Variants in TRPS1 observed in about 807,000 individuals in gnomAD.
TRPS1 encodes transcriptional repressor GATA binding 1, also known as zinc finger transcription factor Trps1.
In TRPS1, 6 loss-of-function variants were observed where a neutral mutation model predicts 101.2. That is an observed-to-expected ratio of 0.06 (90% CI 0.03 to 0.12). The LOEUF (loss-of-function observed/expected upper bound fraction) is 0.12, where lower values mean the gene tolerates loss of function less well. TRPS1 is among the 10% of genes least tolerant of loss of function. TRPS1 has a pLI of 1.00. For missense variants in TRPS1, 1,363 were observed against 1,567.0 expected (o/e 0.87, Z 2.20); for synonymous variants, 578 against 589.8 (o/e 0.98, Z 0.29).
At chr8:115,665,482 G>GAAGA (rs905571843) in intron 1 of TRPS1, among the ~76,000 whole-genome samples, 1 of 152,116 alleles carries the variant, frequency 6.6e-6, no homozygotes, top group African/African-American at 2.4e-5. Flanking sequence ...CCTTATGAAT[G>GAAGA]AATATTTCCT....
At chr8:115,588,321 A>G (rs1817613012) in intron 4 of TRPS1, among the ~76,000 whole-genome samples, 1 of 152,214 alleles carries the variant, frequency 6.6e-6, no homozygotes, top group South Asian at 2.1e-4. Flanking sequence ...AATAAGATGT[A>G]TTTATAACCC....
At chr8:115,542,753 G>A (rs1285146594) in intron 5 of TRPS1, among the ~76,000 whole-genome samples, 3 of 152,134 alleles carry the variant, frequency 2.0e-5, no homozygotes, top group Non-Finnish European at 2.9e-5. Context: ...CATGTTGTGA[G>A]GATTAATTAG....
intron 1 of TRPS1, among the ~76,000 whole-genome samples, chr8:115,641,278 G>A (rs1818889054): frequency 6.6e-6 from 1 of 152,164 alleles, no homozygotes; most frequent in Non-Finnish European, 1.5e-5. Flanking sequence ...TTGTAACCAG[G>A]GATTTTAGCT....
At chr8:115,646,148 A>G (rs1409421533) in intron 1 of TRPS1, among the ~76,000 whole-genome samples, 5 of 152,218 alleles carry the variant, frequency 3.3e-5, no homozygotes, top group Non-Finnish European at 7.3e-5. Context: ...ATTTATAGAA[A>G]TAAATATTCA....
chr8:115,642,849 A>AAAAATAT (rs981274987), intron 1 of TRPS1, among the ~76,000 whole-genome samples: 1 of 146,042 alleles, frequency 6.8e-6, no homozygotes, highest in Non-Finnish European at 1.5e-5. Flanking sequence ...CGTGAAAAAA[A>AAAAATAT]ATATATATAT....
intron 4 of TRPS1, among the ~76,000 whole-genome samples, chr8:115,600,585 G>A (rs545104799): frequency 3.9e-5 from 6 of 152,162 alleles, no homozygotes; most frequent in African/African-American, 1.4e-4. Context: ...TTTGCCCTCA[G>A]TGTAACCTCA....
chr8:115,603,794 C>G (rs1031962416), intron 4 of TRPS1, 79 bp downstream of exon 4: 4 of 1,527,660 alleles, frequency 2.6e-6, no homozygotes, highest in Non-Finnish European at 3.6e-6. Flanking sequence ...TCAACAATTC[C>G]CGGTTCAGCC....
chr8:115,588,592 T>C (rs1817618006), intron 4 of TRPS1, among the ~76,000 whole-genome samples: 1 of 152,196 alleles, frequency 6.6e-6, no homozygotes, highest in Non-Finnish European at 1.5e-5. Context: ...AACAGAAGTA[T>C]TGCACTGTAA....
intron 1 of TRPS1, among the ~76,000 whole-genome samples, chr8:115,661,910 G>A (rs1811806346): frequency 1.3e-5 from 2 of 151,608 alleles, no homozygotes; most frequent in Non-Finnish European, 2.9e-5. Flanking sequence ...CCTCATTTTT[G>A]AAGCAACAAA....
At chr8:115,510,186 C>T (rs949255697) in intron 5 of TRPS1, among the ~76,000 whole-genome samples, 6 of 151,960 alleles carry the variant, frequency 3.9e-5, no homozygotes, top group Admixed American at 6.6e-5. Flanking sequence ...TCAATTCAAT[C>T]GTACATATCC....
At chr8:115,508,541 A>G (rs1042897339) in intron 5 of TRPS1, among the ~76,000 whole-genome samples, 1 of 151,988 alleles carries the variant, frequency 6.6e-6, no homozygotes, top group African/African-American at 2.4e-5. Flanking sequence ...CTTATATTTT[A>G]TATCAGTTTG....
intron 1 of TRPS1, among the ~76,000 whole-genome samples, chr8:115,645,577 T>C (rs1027495316): frequency 6.6e-6 from 1 of 152,140 alleles, no homozygotes; most frequent in Non-Finnish European, 1.5e-5. Flanking sequence ...GAAGAGGAAT[T>C]GTGTGCTCAT....
At chr8:115,600,656 G>C (rs1240541563) in intron 4 of TRPS1, among the ~76,000 whole-genome samples, 2 of 151,834 alleles carry the variant, frequency 1.3e-5, no homozygotes, top group East Asian at 3.9e-4. Flanking sequence ...TGATGAAAGG[G>C]AGAACAAAGG....
chr8:115,520,343 A>G (rs953355442), intron 5 of TRPS1, among the ~76,000 whole-genome samples: 1 of 151,836 alleles, frequency 6.6e-6, no homozygotes. Context: ...AAAACTGGGT[A>G]TTTTCCAGGC....
At chr8:115,479,049 G>T (rs2130054535) in intron 5 of TRPS1, among the ~76,000 whole-genome samples, 1 of 151,180 alleles carries the variant, frequency 6.6e-6, no homozygotes, top group African/African-American at 2.4e-5. Context: ...CTATGCACAA[G>T]CCACGAGTAT....
At chr8:115,428,600 A>G (rs2129817235) in intron 5 of TRPS1, among the ~76,000 whole-genome samples, 1 of 152,330 alleles carries the variant, frequency 6.6e-6, no homozygotes, top group East Asian at 1.9e-4. Context: ...GTTAATGACA[A>G]ACTATGAATG....
chr8:115,572,227 TGC>T (rs1817220062), intron 5 of TRPS1, among the ~76,000 whole-genome samples: 1 of 152,148 alleles, frequency 6.6e-6, no homozygotes, highest in African/African-American at 2.4e-5. Context: ...TAACTTTCAC[TGC>T]AGAGGGGGCC....
At chr8:115,623,529 T>C in intron 2 of TRPS1, 72 bp downstream of exon 2, 2 of 1,546,482 alleles carry the variant, frequency 1.3e-6, no homozygotes, top group Non-Finnish European at 8.9e-7. Context: ...AAATAACAGA[T>C]TGCACGATGT....
intron 5 of TRPS1, among the ~76,000 whole-genome samples, chr8:115,456,211 A>C (rs1044174406): frequency 1.3e-5 from 2 of 152,162 alleles, no homozygotes; most frequent in African/African-American, 4.8e-5. Context: ...CGAAGTGTGG[A>C]ATATAAAGTG....
Sources: allele counts gnomAD v4.1 joint callset (sites outside exome capture counted in the v4.1 genomes callset), GRCh38; gene constraint gnomAD v4.1.1; transcripts MANE v1.5; gene names NCBI Gene and HGNC (gene_info 2026-07-23, HGNC 2026-07-21).